The following KIF3A variants were observed in gnomAD, a reference collection of about 807,000 sequenced individuals.
KIF3A encodes kinesin-like protein KIF3A.
In KIF3A, 27 loss-of-function variants were observed where a neutral mutation model predicts 92.6. That is an observed-to-expected ratio of 0.29 (90% CI 0.21 to 0.40). The LOEUF (loss-of-function observed/expected upper bound fraction) is 0.40. Ranked by LOEUF, KIF3A falls within the 10% of genes least tolerant of loss-of-function variation. The pLI is 1.00. For synonymous variants in KIF3A, 250 were observed against 275.4 expected (o/e 0.91, Z 0.92); for missense variants, 581 against 872.6 (o/e 0.67, Z 4.21).
At position 132,715,845 on chromosome 5, in the gene KIF3A, A is replaced by G. The variant is rs540511660; in HGVS notation, c.1041T>C (p.Asn347=). Residue 347 remains asparagine, a synonymous_variant, in exon 8 of 19, where the codon AAT becomes AAC. Coordinates refer to ENST00000403231, the MANE Select transcript of KIF3A (RefSeq NM_001300791.2). ...TTGGATCTTCATTAATTCTAGCTTT[A>G]TTTTTAATATTCTTAGCACGATTGG... is the stretch of plus-strand genomic sequence containing the variant. ...RYANRAKNIK[N]KARINEDPKD... is the part of the protein sequence containing the mutation. The G allele has an allele frequency of 1.6e-5, 26 of 1,610,358 alleles. No homozygotes were observed. The highest frequency in any genetic ancestry group is 2.2e-5 in the Non-Finnish European group (26 of 1,177,300).
At chr5:132,727,030 A>C (rs1241023042) in intron 2 of KIF3A, among the ~76,000 whole-genome samples, 10 of 152,244 alleles carry the variant, frequency 6.6e-5, no homozygotes, top group Non-Finnish European at 1.0e-4. Context: ...GACCAACACA[A>C]CACCTCATAG....
At chr5:132,709,955 GT>G (rs1753359440) in intron 9 of KIF3A, among the ~76,000 whole-genome samples, 1 of 152,106 alleles carries the variant, frequency 6.6e-6, no homozygotes, top group African/African-American at 2.4e-5. Flanking sequence ...GCAGTGATGG[GT>G]TTATTTTTAG....
intron 10 of KIF3A, 69 bp from the exon 11 acceptor site, chr5:132,706,528 A>C: frequency 3.1e-6 from 4 of 1,272,760 alleles, no homozygotes; most frequent in Non-Finnish European, 4.3e-6. Context: ...GAGGAAAAAA[A>C]GGAAAACATT....
In KIF3A at chr5:132,716,901, C is replaced by G; in HGVS notation, c.700G>C (p.Gly234Arg). 1 of 1,613,952 alleles carries G rather than the reference C, an allele frequency of 6.2e-7. No individual in the cohort carries two copies. The highest frequency in any genetic ancestry group is 8.5e-7 in the Non-Finnish European group (1 of 1,179,890). Residue 234 changes from glycine (G) to arginine (R), a missense_variant, in exon 6 of 19, where the codon GGC becomes CGC. Physicochemically the swap from Gly to Arg is moderately radical, Grantham distance 125. This residue lies in a region of KIF3A where 217 missense variants were observed against 299.7 expected (regional missense o/e 0.72). Transcript: ENST00000403231. Reference sequence around the variant, plus strand: ...CTGACATGCATGTTACCATCAATGCCTTTTTCACTGCATTCTATAGTAATT... The same window carrying G: ...CTGACATGCATGTTACCATCAATGCGTTTTTCACTGCATTCTATAGTAATT... Reference protein sequence around the residue: ...FTITIECSEKGIDGNMHVRMG... With the variant: ...FTITIECSEKRIDGNMHVRMG...
intron 8 of KIF3A, among the ~76,000 whole-genome samples, chr5:132,711,470 T>C (rs943461651): frequency 6.6e-6 from 1 of 152,028 alleles, no homozygotes; most frequent in East Asian, 1.9e-4. Flanking sequence ...CATGCACCTG[T>C]AATCCCAGCT....
rs1754323031 is a variant in KIF3A, at chr5:132,734,314, A to G, written c.171T>C (p.Pro57=). 6.2e-7 allele frequency: 1 copy of G among 1,614,034 alleles called. No individual in the cohort carries two copies. Among genetic ancestry groups the G allele is most frequent in the Non-Finnish European group, 8.5e-7 (1 of 1,180,014 alleles). The stretch of plus-strand genomic sequence containing the variant: ...CAGTATCAAAAGTAAATGTCTTTGG[A>G]GGTTCATTGGAAGAATCAGTCTTAT... ...TVHKTDSSNE[P]PKTFTFDTVF... is the part of the protein sequence containing the mutation. Residue 57 remains proline, a synonymous_variant, in exon 2 of 19, where the codon CCT becomes CCC. Coordinates refer to ENST00000403231, the MANE Select transcript of KIF3A (RefSeq NM_001300791.2).
intron 4 of KIF3A, chr5:132,721,701 C>T (rs1753829891): frequency 6.9e-6 from 1 of 144,858 alleles, no homozygotes; most frequent in Non-Finnish European, 1.5e-5. Context: ...AAATTAAGCC[C>T]TAATTCTATT....
At chr5:132,733,542 G>A (rs974937638) in intron 2 of KIF3A, among the ~76,000 whole-genome samples, 4 of 152,216 alleles carry the variant, frequency 2.6e-5, no homozygotes, top group African/African-American at 4.8e-5. Flanking sequence ...GCCTCAGTAG[G>A]AGATTGCTTG....
At position 132,733,298 on chromosome 5, in the gene KIF3A, TAAAGA is replaced by T. The variant is rs371566561; in HGVS notation, c.280+902_280+906del. On this transcript the variant is annotated intron_variant, in intron 2 of 18. Transcript: ENST00000403231. ...TTTGAATTTTATCACAAAAGCTACC[TAAAGA>T]AATCAATTTCATCTCTATATATTAG... Among the ~76,000 whole-genome samples, 27 of 152,264 alleles carry T rather than the reference TAAAGA, an allele frequency of 1.8e-4. No homozygotes were observed. The South Asian group carries it at 3.9e-3, about 22-fold the overall frequency.
In KIF3A at chr5:132,696,690, G is replaced by C. The variant is rs1325975246; in HGVS notation, c.2133-8C>G. On this transcript the variant is annotated splice_region_variant and splice_polypyrimidine_tract_variant and intron_variant, in intron 18 of 18. Transcript: ENST00000403231. ...GGCTTTGCAGAACGCTTTCTGTTTG[G>C]AGAAGAAAAAAAGCAATCATGAATG... 1 of 1,605,556 alleles carries C rather than the reference G, an allele frequency of 6.2e-7. No homozygotes were observed. The highest frequency in any genetic ancestry group is 2.2e-5 in the East Asian group (1 of 44,800).
chr5:132,700,685 A>G lies in KIF3A; in HGVS notation c.1900T>C (p.Tyr634His), dbSNP rs1208126141. Reference sequence around the variant, plus strand: ...CCTATGTCTTCATTCCAATGGACATAGTTTTCAATCATTTCCTTTTAAAAG... The same window carrying G: ...CCTATGTCTTCATTCCAATGGACATGGTTTTCAATCATTTCCTTTTAAAAG... ...PRDYQEMIEN[Y>H]VHWNEDIGEW... Residue 634 changes from tyrosine to histidine, a missense_variant, in exon 16 of 19, where the codon TAT becomes CAT. This residue lies in a region of KIF3A where 112 missense variants were observed against 144.3 expected (regional missense o/e 0.78). Transcript: ENST00000403231. 1 of 1,593,208 alleles carries G rather than the reference A, an allele frequency of 6.3e-7. No individual in the cohort carries two copies. Among genetic ancestry groups the G allele is most frequent in the Non-Finnish European group, 8.6e-7 (1 of 1,161,252 alleles).
rs1355493729 is a variant in KIF3A at position 132,692,698 on chromosome 5, C to T, written c.*3936G>A. The T allele has an allele frequency of 6.5e-6, 1 of 152,736 alleles. No individual in the cohort carries two copies. Among genetic ancestry groups the T allele is most frequent in the Non-Finnish European group, 1.5e-5 (1 of 68,040 alleles). The allele number at this position is 152,736 out of a possible 1,614,324, so 9.5% of individuals were successfully genotyped here. On this transcript the variant is annotated 3_prime_UTR_variant, in exon 19 of 19. Transcript: ENST00000403231. ...ATACATACAATACCAATATATACAA[C>T]TTGAACAAATACAATTTATACATAA...
At chr5:132,701,478 A>T (rs1753034291) in intron 15 of KIF3A, among the ~76,000 whole-genome samples, 2 of 147,990 alleles carry the variant, frequency 1.4e-5, no homozygotes, top group South Asian at 2.2e-4. Context: ...CAGCCTGGGC[A>T]ACAAAGTGAC....
chr5:132,725,122 T>C (rs960169307), intron 4 of KIF3A, among the ~76,000 whole-genome samples: 9 of 151,920 alleles, frequency 5.9e-5, no homozygotes, highest in African/African-American at 9.7e-5. Flanking sequence ...TTCCAAATGA[T>C]TTTTTCCTAG....
chr5:132,716,551 C>A (rs1301825055), intron 6 of KIF3A, 109 bp from the exon 7 acceptor site: 2 of 860,164 alleles, frequency 2.3e-6, no homozygotes, highest in East Asian at 2.6e-5. Context: ...TGATATGATG[C>A]CTGAATTCAC....
chr5:132,733,596 A>G (rs1417589570), intron 2 of KIF3A, among the ~76,000 whole-genome samples: 1 of 152,206 alleles, frequency 6.6e-6, no homozygotes, highest in Admixed American at 6.5e-5. Context: ...AGCAAGACCC[A>G]GTCTTTACAA....
At chr5:132,737,020 T>C in intron 1 of KIF3A, 1 of 359,118 alleles carries the variant, frequency 2.8e-6, no homozygotes, top group Non-Finnish European at 5.2e-6. Context: ...GCTGCCTCCC[T>C]GCGCTTGCTC....
downstream of KIF3A, among the ~76,000 whole-genome samples, chr5:132,691,272 G>A (rs1355998243): frequency 6.6e-6 from 1 of 152,170 alleles, no homozygotes; most frequent in Non-Finnish European, 1.5e-5. Context: ...TTGGGGCTAG[G>A]CACAGTGGCT....
chr5:132,719,063 CACAG>C (rs1236530589), intron 5 of KIF3A, among the ~76,000 whole-genome samples: 2 of 34,144 alleles, frequency 5.9e-5, no homozygotes, highest in South Asian at 1.5e-3. Context: ...AAATTAGAAA[CACAG>C]AGTCAAAAGG....
Sources: gnomAD v4.1 joint callset for allele counts (sites outside exome capture counted in the v4.1 genomes callset) on GRCh38, gnomAD v4.1.1 for gene constraint, gnomAD v4.1.1 regional missense constraint, MANE v1.5 for transcripts, NCBI Gene and HGNC (gene_info 2026-07-23, HGNC 2026-07-21) for gene names.